CFAP57: variants seen among roughly 807,000 people sequenced by gnomAD.
The protein encoded by CFAP57 is cilia- and flagella-associated protein 57.
CFAP57 carries 116 observed loss-of-function variants against 146.8 expected under a neutral mutation model. That is an observed-to-expected ratio of 0.79 (90% confidence interval 0.68 to 0.92). CFAP57 has a LOEUF of 0.92. CFAP57 is among the 40% of genes least tolerant of loss of function. CFAP57 has a pLI of 0.00. For missense variants in CFAP57, 1,377 were observed against 1,527.2 expected, an observed-to-expected ratio of 0.90 and a Z score of 1.64; for synonymous variants, 518 against 552.8, an observed-to-expected ratio of 0.94 and a Z score of 0.88.
At position 43,201,779 on chromosome 1, in the gene CFAP57, G is replaced by C. The variant is rs1644135416; in HGVS notation, c.1542+2276G>C. Among the ~76,000 whole-genome samples the C allele has an allele frequency of 6.6e-6, 1 of 152,126 alleles. No individual in the cohort carries two copies. The highest frequency in any genetic ancestry group is 1.5e-5 in the Non-Finnish European group (1 of 68,036). On this transcript the variant is annotated intron_variant, in intron 9 of 22. Coordinates refer to ENST00000372492, the MANE Select transcript of CFAP57 (RefSeq NM_001378189.1). This position sits in a 1 kb window ranked among gnomAD's most constrained non-coding sequence, Gnocchi z 4.4. ...TACAGGCATGTACCACCACACCCGG[G>C]TAATTTTGTATTTTTAATAGAGACG...
intron 22 of CFAP57, among the ~76,000 whole-genome samples, chr1:43,246,143 C>T (rs1386197063): frequency 2.6e-5 from 4 of 152,184 alleles, no homozygotes; most frequent in Non-Finnish European, 4.4e-5. Flanking sequence ...ATAAAAACCT[C>T]AATGACATTT....
In CFAP57 at chr1:43,237,160, G is replaced by T. The variant is rs150718470; in HGVS notation, c.3405+2522G>T. ...CTCATCTTCAGTTGCCATGGCCCTGGCACTTCAATCCAAAAAGGCTGAGGA... is the reference window on the plus strand; with the variant it reads ...CTCATCTTCAGTTGCCATGGCCCTGTCACTTCAATCCAAAAAGGCTGAGGA... On this transcript the variant is annotated intron_variant, in intron 21 of 22. Coordinates refer to ENST00000372492, the MANE Select transcript of CFAP57 (RefSeq NM_001378189.1). Among the ~76,000 whole-genome samples the T allele has an allele frequency of 3.1e-3, 465 of 152,184 alleles. 2 individuals are homozygous for T. The highest frequency in any genetic ancestry group is 4.9e-3 in the Non-Finnish European group (336 of 68,002).
In CFAP57 at chr1:43,198,516, C is replaced by T. The variant is rs1486539560; in HGVS notation, c.1298C>T (p.Ala433Val). The T allele has an allele frequency of 2.5e-6, 4 of 1,614,128 alleles. No homozygotes were observed. Among genetic ancestry groups the T allele is most frequent in the Non-Finnish European group, 1.7e-6 (2 of 1,180,016 alleles). ...LELFKEYQEE[A>V]YSISLHPSGH... ...CTATTTAAGGAATACCAAGAAGAGG[C>T]ATATTCCATCAGCCTTCATCCATCT... is the stretch of plus-strand genomic sequence containing the variant. The change falls in exon 8 of 23, where the codon GCA becomes GTA. Residue 433 changes from alanine (A) to valine (V), a missense_variant. Physicochemically the swap from Ala to Val is moderately conservative, Grantham distance 64 (BLOSUM62 0). Transcript: ENST00000372492.
At position 43,198,494 on chromosome 1, in the gene CFAP57, T is replaced by C; in HGVS notation, c.1276T>C (p.Phe426Leu). The C allele has an allele frequency of 6.2e-7, 1 of 1,614,036 alleles. No individual in the cohort carries two copies. Among genetic ancestry groups the C allele is most frequent in the Non-Finnish European group, 8.5e-7 (1 of 1,180,016 alleles). The change falls in exon 8 of 23, where the codon TTT (phenylalanine) becomes CTT (leucine). Residue 426 changes from phenylalanine to leucine, a missense_variant. Coordinates refer to ENST00000372492, the MANE Select transcript of CFAP57 (RefSeq NM_001378189.1). ...TCTTTTTCACAGCACCCTGGAACTA[T>C]TTAAGGAATACCAAGAAGAGGCATA... ...WNYETNTLEL[F>L]KEYQEEAYSI... is the part of the protein sequence containing the mutation.
intron 19 of CFAP57, 36 bp downstream of exon 19, chr1:43,232,660 C>T (rs764462255): frequency 1.2e-5 from 18 of 1,454,970 alleles, no homozygotes; most frequent in Middle Eastern, 3.7e-4. Context: ...TTCTTGGATT[C>T]GGGATCTGGC....
chr1:43,183,490 T>C (rs1263401448), intron 3 of CFAP57, 101 bp from the exon 4 acceptor site: 3 of 1,090,586 alleles, frequency 2.8e-6, no homozygotes, highest in Non-Finnish European at 4.1e-6. Context: ...TTTGGAGATA[T>C]TCTGAGCAGC....
At chr1:43,200,231 A>G (rs982503565) in intron 9 of CFAP57, among the ~76,000 whole-genome samples, 1 of 152,194 alleles carries the variant, frequency 6.6e-6, no homozygotes, top group Non-Finnish European at 1.5e-5. Context: ...TATGCCTATA[A>G]TCTAAGCACT....
intron 11 of CFAP57, among the ~76,000 whole-genome samples, chr1:43,212,027 T>C (rs542231330): frequency 6.6e-6 from 1 of 152,332 alleles, no homozygotes; most frequent in African/African-American, 2.4e-5. Flanking sequence ...TGTTTTAACT[T>C]TTTATCTTGA....
intron 12 of CFAP57, 142 bp downstream of exon 12, chr1:43,215,558 T>C: frequency 1.0e-6 from 1 of 963,984 alleles, no homozygotes; most frequent in Non-Finnish European, 1.5e-6. Flanking sequence ...ACATCTGCTG[T>C]CCCCACAACC....
intron 6 of CFAP57, among the ~76,000 whole-genome samples, chr1:43,189,857 A>G (rs564085209): frequency 1.8e-4 from 28 of 152,254 alleles, no homozygotes; most frequent in African/African-American, 6.7e-4. Flanking sequence ...GAGGTGAGAG[A>G]TGCCACACAC....
chr1:43,184,740 C>CTTTTTT lies in CFAP57; in HGVS notation c.762-385_762-380dup, dbSNP rs57644418. ...CATCCCCCCATGCCAATGGCATATC[C>CTTTTTT]TTTTTTTTTTTTTTTTTTTTTTTTT... On this transcript the variant is annotated intron_variant, in intron 4 of 22. Coordinates refer to ENST00000372492, the MANE Select transcript of CFAP57 (RefSeq NM_001378189.1). 2.0e-4 allele frequency: 20 copies of CTTTTTT among 101,366 alleles called. 1 individual carries two copies. The highest frequency in any genetic ancestry group is 4.9e-3 in the Middle Eastern group (1 of 204). 6.3% of individuals were successfully genotyped at this position (101,366 alleles called of 1,614,324 possible).
chr1:43,172,825 C>T lies in CFAP57; in HGVS notation c.72C>T (p.Tyr24=). ...LRSHVANNIF[Y]FDEQIIIFPS... is the part of the protein sequence containing the mutation. ...CCCACGTGGCCAACAATATCTTCTA[C>T]TTCGATGAACAGATCATTATATTTC... The change falls in exon 2 of 23, where the codon TAC becomes TAT. Residue 24 remains tyrosine (Y), a synonymous_variant. Coordinates refer to ENST00000372492, the MANE Select transcript of CFAP57 (RefSeq NM_001378189.1). 1.9e-6 allele frequency: 3 copies of T among 1,614,110 alleles called. No homozygotes were observed. Among genetic ancestry groups the T allele is most frequent in the Non-Finnish European group, 2.5e-6 (3 of 1,179,968 alleles).
At chr1:43,198,444 G>A (rs1429942615) in intron 7 of CFAP57, 37 bp from the exon 8 acceptor site, 1 of 1,608,820 alleles carries the variant, frequency 6.2e-7, no homozygotes. Flanking sequence ...GATTTAGTGA[G>A]CTAAGCTTAC....
chr1:43,242,353 G>T (rs1645957765), intron 21 of CFAP57, among the ~76,000 whole-genome samples: 1 of 152,184 alleles, frequency 6.6e-6, no homozygotes, highest in African/African-American at 2.4e-5. Flanking sequence ...CAGAAGCTAA[G>T]ATTTACACTC....
At chr1:43,172,580 A>C (rs1360056515) in intron 1 of CFAP57, 127 bp downstream of exon 1, 3 of 369,248 alleles carry the variant, frequency 8.1e-6, no homozygotes, top group Admixed American at 9.3e-5. Flanking sequence ...GGGAAAGGGG[A>C]GGGACAAGGG....
chr1:43,241,025 G>C (rs1361726648), intron 21 of CFAP57, among the ~76,000 whole-genome samples: 1 of 152,160 alleles, frequency 6.6e-6, no homozygotes, highest in African/African-American at 2.4e-5. Context: ...TAGCGTAGAC[G>C]GGGTTTCACC....
chr1:43,236,567 C>G (rs1404905974), intron 21 of CFAP57, among the ~76,000 whole-genome samples: 1 of 118,906 alleles, frequency 8.4e-6, no homozygotes, highest in African/African-American at 3.4e-5. Flanking sequence ...GCACTAGGCA[C>G]TGGCCTGGTA....
chr1:43,232,260 T>C (rs904936126), intron 18 of CFAP57: 4 of 591,744 alleles, frequency 6.8e-6, no homozygotes, highest in Non-Finnish European at 1.2e-5. Context: ...GGAAAGTGAC[T>C]CAGAGGGAAA....
At chr1:43,221,315 G>T in intron 13 of CFAP57, 57 bp from the exon 14 acceptor site, 2 of 1,297,028 alleles carry the variant, frequency 1.5e-6, no homozygotes, top group Non-Finnish European at 2.1e-6. Context: ...ATCAGTTCTT[G>T]CCCTAGTAGT....
Sources: gnomAD v4.1 joint callset for allele counts (sites outside exome capture counted in the v4.1 genomes callset) on GRCh38, gnomAD v4.1.1 for gene constraint, Gnocchi (gnomAD v3.1) non-coding constraint, MANE v1.5 for transcripts, NCBI Gene and HGNC (gene_info 2026-07-23, HGNC 2026-07-21) for gene names.